The following SCYL3 variants were observed in gnomAD, a reference collection of about 807,000 sequenced individuals.
SCYL3 encodes SCY1 like pseudokinase 3.
Under a neutral mutation model 73.8 loss-of-function variants are expected in SCYL3, and 35 were observed. The ratio of observed to expected loss-of-function variants is 0.47; its 90% confidence interval spans 0.36 to 0.63. The LOEUF is 0.63. Among genes scored for constraint, SCYL3 ranks in the 20% least tolerant of loss-of-function variants. The pLI, the probability that SCYL3 is intolerant of heterozygous loss-of-function variation, is 0.00. For missense variants in SCYL3, 712 were observed against 798.9 expected (o/e 0.89, Z 1.31); for synonymous variants, 277 against 295.2 (o/e 0.94, Z 0.63).
At chr1:169,864,634 A>G in intron 8 of SCYL3, 126 bp from the exon 9 acceptor site, 1 of 1,019,850 alleles carries the variant, frequency 9.8e-7, no homozygotes. Context: ...ATGGAGATAG[A>G]GAAGGTGAAC....
chr1:169,859,367 G>A lies in SCYL3; in HGVS notation c.1141-155C>T, dbSNP rs112526376. On this transcript the variant is annotated intron_variant, in intron 10 of 12. Transcript: ENST00000367771. ...GTCAGTGGCTCTCAAACTACCTGTG[G>A]TAAAAGACCAGTATCTTCCCCTCCC... is the stretch of plus-strand genomic sequence containing the variant. Among the ~76,000 whole-genome samples the A allele has an allele frequency of 7.6e-3, 1,151 of 152,240 alleles. 10 individuals are homozygous for A. The highest frequency in any genetic ancestry group is 0.011 in the Non-Finnish European group (726 of 68,018).
intron 9 of SCYL3, 148 bp from the exon 10 acceptor site, chr1:169,862,945 C>G (rs1659769326): frequency 8.3e-6 from 6 of 725,406 alleles, no homozygotes; most frequent in Middle Eastern, 7.8e-4. Context: ...TGGAGTCTCA[C>G]TCTGTCACCC....
chr1:169,886,512 C>T (rs1487329466), intron 2 of SCYL3, among the ~76,000 whole-genome samples: 1 of 152,160 alleles, frequency 6.6e-6, no homozygotes, highest in East Asian at 1.9e-4. Context: ...AAATAGAGCA[C>T]TTATATAGCA....
chr1:169,884,767 G>A (rs1390149527), intron 2 of SCYL3, among the ~76,000 whole-genome samples: 1 of 152,172 alleles, frequency 6.6e-6, no homozygotes, highest in Non-Finnish European at 1.5e-5. Context: ...GTGAGTACTT[G>A]TTTGTTTAAT....
rs1658590835 is a variant in SCYL3, at chr1:169,852,883, T to G, written c.*830A>C. On this transcript the variant is annotated 3_prime_UTR_variant, in exon 13 of 13. Coordinates refer to ENST00000367771, the MANE Select transcript of SCYL3 (RefSeq NM_020423.7). ...AGCAGGGGCTTTGGAAGCAACTGAG[T>G]CACTACTCCAAAAGGGTCCTGCTCC... The G allele has an allele frequency of 6.2e-7, 1 of 1,613,958 alleles. No homozygotes were observed. Among genetic ancestry groups the G allele is most frequent in the Admixed American group, 1.7e-5 (1 of 59,990 alleles).
Position 169,850,506 on chromosome 1 carries a change from A to G in SCYL3, c.*3207T>C. 1.8e-6 allele frequency: 1 copy of G among 564,094 alleles called. No individual in the cohort carries two copies. The highest frequency in any genetic ancestry group is 3.2e-6 in the Non-Finnish European group (1 of 317,132). The allele number at this position is 564,094 out of a possible 1,614,324, so 34.9% of individuals were successfully genotyped here. On this transcript the variant is annotated 3_prime_UTR_variant, in exon 13 of 13. Coordinates refer to ENST00000367771, the MANE Select transcript of SCYL3 (RefSeq NM_020423.7). ...CTAAGCAATTGAGGCCACAGAAGTA[A>G]AACACTTGGGGCCAGGCGCGGCGGC...
chr1:169,858,033 GAT>G (rs1659326252), intron 11 of SCYL3, among the ~76,000 whole-genome samples: 1 of 152,080 alleles, frequency 6.6e-6, no homozygotes, highest in African/African-American at 2.4e-5. Context: ...GAAGGCCTAG[GAT>G]ATTACTGTAC....
chr1:169,876,824 G>A (rs1002006224), intron 3 of SCYL3, among the ~76,000 whole-genome samples: 96 of 151,838 alleles, frequency 6.3e-4, no homozygotes, highest in Admixed American at 1.4e-3. Context: ...GCATGGTGGC[G>A]GGCGCCTGTA....
At chr1:169,868,852 TGCCACTTATCCAAG>T in intron 7 of SCYL3, 62 bp downstream of exon 7, 1 of 1,009,050 alleles carries the variant, frequency 9.9e-7, no homozygotes, top group South Asian at 1.4e-5. Flanking sequence ...AACCCCCCAC[TGCCACTTATCCAAG>T]GCACAAGAGC....
At position 169,851,683 on chromosome 1, in the gene SCYL3, A is replaced by G; in HGVS notation, c.*2030T>C. The G allele has an allele frequency of 2.1e-6, 2 of 965,154 alleles. No homozygotes were observed. Among genetic ancestry groups the G allele is most frequent in the Non-Finnish European group, 3.1e-6 (2 of 639,690 alleles). The allele number at this position is 965,154 out of a possible 1,614,324, so 59.8% of individuals were successfully genotyped here. A position where few individuals can be genotyped will look rare whatever the true frequency, so the allele number is the denominator to read the frequency against. The stretch of plus-strand genomic sequence containing the variant: ...AATCCAGATTATACTAAGAGTATTT[A>G]TAGATCAGTCCATGTGACTTCCAGA... On this transcript the variant is annotated 3_prime_UTR_variant, in exon 13 of 13. Transcript: ENST00000367771.
At position 169,851,982 on chromosome 1, in the gene SCYL3, C is replaced by T; in HGVS notation, c.*1731G>A. The stretch of plus-strand genomic sequence containing the variant: ...GGGCCAAACTTTAACAAGGCAAATT[C>T]TGCCCTTTTTACTTACTGACGAAAC... On this transcript the variant is annotated 3_prime_UTR_variant, in exon 13 of 13. Transcript: ENST00000367771. The T allele has an allele frequency of 6.2e-7, 1 of 1,613,376 alleles. No individual in the cohort carries two copies. Among genetic ancestry groups the T allele is most frequent in the South Asian group, 1.1e-5 (1 of 91,000 alleles).
At chr1:169,888,573 C>T (rs1661836768) in intron 2 of SCYL3, 103 bp downstream of exon 2, 1 of 893,258 alleles carries the variant, frequency 1.1e-6, no homozygotes, top group Non-Finnish European at 1.7e-6. Flanking sequence ...AATACTGGTC[C>T]TTATGATCTT....
chr1:169,886,435 A>G (rs3766151), intron 2 of SCYL3, among the ~76,000 whole-genome samples: 113,560 of 152,138 alleles, frequency 0.75, 43,097 homozygotes, highest in African/African-American at 0.88. Context: ...CTTAAATAAC[A>G]TTGACTAACC....
chr1:169,870,732 G>GC (rs1435030392), intron 5 of SCYL3, among the ~76,000 whole-genome samples: 2 of 151,428 alleles, frequency 1.3e-5, no homozygotes, highest in Non-Finnish European at 2.9e-5. Context: ...TATCTAAGAT[G>GC]CCCAAAGACA....
intron 10 of SCYL3, among the ~76,000 whole-genome samples, chr1:169,860,651 A>G (rs1659567996): frequency 6.6e-6 from 1 of 152,252 alleles, no homozygotes; most frequent in Non-Finnish European, 1.5e-5. Context: ...TGTTTCTTTT[A>G]CATATGATTA....
Position 169,859,163 on chromosome 1 carries a change from A to G in SCYL3, c.1190T>C (p.Leu397Pro), listed in dbSNP as rs1413281640. ...DTSDSIVAIT[L>P]HSLAVLVSLL... Reference sequence around the variant, plus strand: ...AGAGACCAGCACTGCTAGGCTATGCAGAGTAATTGCCACAATGGAATCGCT... The same window carrying G: ...AGAGACCAGCACTGCTAGGCTATGCGGAGTAATTGCCACAATGGAATCGCT... Residue 397 changes from leucine (L) to proline (P), a missense_variant, in exon 11 of 13, where the codon CTG (leucine) becomes CCG (proline). This residue lies in a region of SCYL3 where 370 missense variants were observed against 350.8 expected (regional missense o/e 1.05). Coordinates refer to ENST00000367771, the MANE Select transcript of SCYL3 (RefSeq NM_020423.7). The G allele has an allele frequency of 1.9e-6, 3 of 1,613,794 alleles. No individual in the cohort carries two copies. The highest frequency in any genetic ancestry group is 2.5e-6 in the Non-Finnish European group (3 of 1,179,972).
At chr1:169,879,198 T>C (rs1160470860) in intron 2 of SCYL3, among the ~76,000 whole-genome samples, 1 of 152,186 alleles carries the variant, frequency 6.6e-6, no homozygotes, top group African/African-American at 2.4e-5. Flanking sequence ...GCGACACCCA[T>C]GGGGTAAGTT....
chr1:169,850,649 A>G lies in SCYL3; in HGVS notation c.*3064T>C, dbSNP rs932295779. The G allele has an allele frequency of 4.6e-6, 1 of 218,136 alleles. No homozygotes were observed. Among genetic ancestry groups the G allele is most frequent in the South Asian group, 8.2e-5 (1 of 12,264 alleles). 13.5% of individuals were successfully genotyped at this position (218,136 alleles called of 1,614,324 possible). On this transcript the variant is annotated 3_prime_UTR_variant, in exon 13 of 13. Transcript: ENST00000367771. ...TGTTTCTACTAAAAATACAAAAATT[A>G]GCCGGGCATGGTGGTACGCGCCTGC...
At chr1:169,867,056 T>A in intron 7 of SCYL3, 83 bp from the exon 8 acceptor site, 1 of 735,010 alleles carries the variant, frequency 1.4e-6, no homozygotes, top group Non-Finnish European at 2.3e-6. Context: ...ACTACATCAA[T>A]ATAATTTTCA....
Sources: allele counts gnomAD v4.1 joint callset (sites outside exome capture counted in the v4.1 genomes callset), GRCh38; gene constraint gnomAD v4.1.1; regional missense constraint gnomAD v4.1.1; transcripts MANE v1.5; gene names NCBI Gene and HGNC (gene_info 2026-07-23, HGNC 2026-07-21).